Variants in DCC observed in about 807,000 individuals in gnomAD.
DCC encodes DCC netrin 1 receptor.
A neutral mutation model predicts 172.5 loss-of-function variants in DCC; 58 were observed. That is an observed-to-expected ratio of 0.34 (90% CI 0.27 to 0.42). DCC has a LOEUF of 0.42. DCC is among the 10% of genes least tolerant of loss of function. The pLI, the probability that DCC is intolerant of heterozygous loss-of-function variation, is 1.00. For synonymous variants in DCC, 709 were observed against 644.5 expected, an observed-to-expected ratio of 1.10 and a Z score of -1.52; for missense variants, 1,740 against 1,791.0, an observed-to-expected ratio of 0.97 and a Z score of 0.51.
chr18:52,561,249 A>G (rs2033030367), intron 1 of DCC, among the ~76,000 whole-genome samples: 1 of 150,582 alleles, frequency 6.6e-6, no homozygotes, highest in South Asian at 2.1e-4. Flanking sequence ...GAAACATTGA[A>G]TCTGTAATTC....
chr18:52,651,499 C>CTTT (rs202034422), intron 1 of DCC, among the ~76,000 whole-genome samples: 1 of 135,170 alleles, frequency 7.4e-6, no homozygotes, highest in Non-Finnish European at 1.6e-5. Context: ...TTTTTAAAAT[C>CTTT]TTTTTTTTTT....
intron 5 of DCC, among the ~76,000 whole-genome samples, chr18:52,934,368 C>T (rs2040351790): frequency 6.6e-6 from 1 of 152,028 alleles, no homozygotes. Context: ...ATGTATTTCA[C>T]TTTTTTCTGT....
At chr18:52,639,811 G>A (rs537492892) in intron 1 of DCC, among the ~76,000 whole-genome samples, 3 of 152,164 alleles carry the variant, frequency 2.0e-5, no homozygotes, top group Admixed American at 1.3e-4. Flanking sequence ...ACCTATTCTT[G>A]TGACACTATT....
chr18:52,929,496 C>T (rs1463111573), intron 5 of DCC, among the ~76,000 whole-genome samples: 1 of 152,026 alleles, frequency 6.6e-6, no homozygotes, highest in African/African-American at 2.4e-5. Flanking sequence ...CTTGACAAAG[C>T]AGAAAGGCTG....
chr18:53,174,072 A>G (rs1477525573), intron 8 of DCC, among the ~76,000 whole-genome samples: 3 of 121,650 alleles, frequency 2.5e-5, no homozygotes, highest in Admixed American at 9.3e-5. Context: ...CCTGCTCCTG[A>G]ATGACTACTG....
chr18:53,469,366 A>C (rs773200506), intron 25 of DCC, among the ~76,000 whole-genome samples: 1 of 152,154 alleles, frequency 6.6e-6, no homozygotes, highest in Non-Finnish European at 1.5e-5. Context: ...GTGAGCTCTC[A>C]CTATTTGGAA....
intron 15 of DCC, among the ~76,000 whole-genome samples, chr18:53,353,912 C>T (rs2057843830): frequency 6.6e-6 from 1 of 152,072 alleles, no homozygotes; most frequent in Admixed American, 6.6e-5. Context: ...AATGCTATCC[C>T]TCCCCCGACC....
At chr18:52,924,816 G>A (rs899301395) in intron 4 of DCC, among the ~76,000 whole-genome samples, 15 of 152,014 alleles carry the variant, frequency 9.9e-5, no homozygotes, top group African/African-American at 3.6e-4. Context: ...TCTGCGTATA[G>A]CCAAGCACTC....
intron 25 of DCC, among the ~76,000 whole-genome samples, chr18:53,474,278 A>G (rs1014188936): frequency 5.9e-5 from 9 of 152,204 alleles, no homozygotes; most frequent in Non-Finnish European, 1.0e-4. Flanking sequence ...ATGCAGCAAT[A>G]AAAATAAACT....
Position 53,532,916 on chromosome 18 carries a change from A to C in DCC, c.*2263A>C, listed in dbSNP as rs1315384691. On this transcript the variant is annotated 3_prime_UTR_variant, in exon 29 of 29. Coordinates refer to ENST00000442544, the MANE Select transcript of DCC (RefSeq NM_005215.4). ...AATAAAATTTTTAAAAATCCATTTA[A>C]ATACATGTTATTTGTCTTCAGTGGA... 6.6e-6 allele frequency: 1 copy of C among 152,058 alleles called. No individual in the cohort carries two copies. Among genetic ancestry groups the C allele is most frequent in the African/African-American group, 2.4e-5 (1 of 41,428 alleles). The allele number at this position is 152,058 out of a possible 1,614,324, so 9.4% of individuals were successfully genotyped here.
intron 1 of DCC, among the ~76,000 whole-genome samples, chr18:52,618,959 A>G (rs896534664): frequency 3.2e-4 from 49 of 152,246 alleles, no homozygotes; most frequent in Non-Finnish European, 3.2e-4. Flanking sequence ...TTTAATTGAC[A>G]CAGAGTTTGC....
intron 13 of DCC, among the ~76,000 whole-genome samples, chr18:53,308,426 TA>T (rs2057227759): frequency 6.6e-6 from 1 of 151,566 alleles, no homozygotes; most frequent in Non-Finnish European, 1.5e-5. Context: ...TATGTATTTT[TA>T]ATTGCATATG....
intron 15 of DCC, among the ~76,000 whole-genome samples, chr18:53,364,829 C>G (rs2144940981): frequency 6.6e-6 from 1 of 152,212 alleles, no homozygotes; most frequent in South Asian, 2.1e-4. Flanking sequence ...AACCATCCCA[C>G]AAATGTACAT....
chr18:52,622,330 T>C (rs1430834378), intron 1 of DCC, among the ~76,000 whole-genome samples: 1 of 152,168 alleles, frequency 6.6e-6, no homozygotes, highest in Non-Finnish European at 1.5e-5. Context: ...TGTTCTACAA[T>C]CAGAATGGGT....
chr18:52,520,280 T>C (rs2031771511), intron 1 of DCC, among the ~76,000 whole-genome samples: 1 of 152,172 alleles, frequency 6.6e-6, no homozygotes, highest in African/African-American at 2.4e-5. Context: ...TCAAGACATT[T>C]CCTATGAATG....
intron 22 of DCC, among the ~76,000 whole-genome samples, chr18:53,436,128 A>C (rs536367083): frequency 2.0e-5 from 3 of 152,290 alleles, no homozygotes; most frequent in African/African-American, 7.2e-5. Flanking sequence ...ACTCTGATAT[A>C]AGTGCTCTAA....
chr18:52,736,278 C>CAT (rs1555653936), intron 1 of DCC, among the ~76,000 whole-genome samples: 1 of 118,962 alleles, frequency 8.4e-6, no homozygotes, highest in Non-Finnish European at 1.8e-5. Context: ...TTACTGTAAA[C>CAT]ATAAAAAAAA....
chr18:53,112,743 G>T (rs954579057), intron 7 of DCC, among the ~76,000 whole-genome samples: 1 of 151,388 alleles, frequency 6.6e-6, no homozygotes, highest in African/African-American at 2.4e-5. Context: ...GATTCTTGGG[G>T]TAGAATTGGA....
At chr18:53,282,765 T>C (rs2056888504) in intron 12 of DCC, among the ~76,000 whole-genome samples, 1 of 152,132 alleles carries the variant, frequency 6.6e-6, no homozygotes, top group Non-Finnish European at 1.5e-5. Context: ...AGTTATAAGA[T>C]AGGCAGATGA....
Sources: allele counts gnomAD v4.1 joint callset (sites outside exome capture counted in the v4.1 genomes callset), GRCh38; gene constraint gnomAD v4.1.1; transcripts MANE v1.5; gene names NCBI Gene and HGNC (gene_info 2026-07-23, HGNC 2026-07-21).